The following MFSD11 variants were observed in gnomAD, a reference collection of about 807,000 sequenced individuals.
MFSD11 encodes UNC93-like protein MFSD11.
A neutral mutation model predicts 53.5 loss-of-function variants in MFSD11; 36 were observed. The observed-to-expected ratio is 0.67, with a 90% CI of 0.52 to 0.89. The LOEUF is 0.89. Among genes scored for constraint, MFSD11 ranks in the 40% least tolerant of loss-of-function variants. The pLI is 0.00. For synonymous variants in MFSD11, 186 were observed against 184.9 expected (o/e 1.01, Z -0.05); for missense variants, 530 against 543.9 (o/e 0.97, Z 0.25).
At chr17:76,761,302 C>G (rs1008533384) in intron 8 of MFSD11, among the ~76,000 whole-genome samples, 8 of 152,094 alleles carry the variant, frequency 5.3e-5, no homozygotes, top group African/African-American at 1.9e-4. Flanking sequence ...TAACCTTTGC[C>G]CCAGTGGAAT....
At chr17:76,746,015 A>C (rs943759813) in intron 7 of MFSD11, among the ~76,000 whole-genome samples, 1 of 152,188 alleles carries the variant, frequency 6.6e-6, no homozygotes, top group African/African-American at 2.4e-5. Context: ...ACATGTAGAA[A>C]GCTGAGACAG....
At chr17:76,780,237 C>T (rs1311446253), downstream of MFSD11, among the ~76,000 whole-genome samples, 3 of 152,196 alleles carry the variant, frequency 2.0e-5, no homozygotes, top group Non-Finnish European at 4.4e-5. Context: ...CATTCTTTCT[C>T]ATCTGGCATG....
chr17:76,782,474 CTTTTTTTT>C (rs33999736), downstream of MFSD11, among the ~76,000 whole-genome samples: 2 of 76,172 alleles, frequency 2.6e-5, no homozygotes, highest in Non-Finnish European at 4.4e-5. Context: ...CGCGCCCAGG[CTTTTTTTT>C]TTTTTTTTTT....
Position 76,738,463 on chromosome 17 carries a change from G to A in MFSD11, c.96+15G>A, listed in dbSNP as rs1248006070. On this transcript the variant is annotated intron_variant, in intron 1 of 12. Coordinates refer to ENST00000685175, the MANE Select transcript of MFSD11 (RefSeq NM_001242532.5). ...GAAATGTGGCGGTGAGTTGGAATCTGTCCTCCCTCCTTTGAAGTGCCCATC... is the reference window on the plus strand; with the variant it reads ...GAAATGTGGCGGTGAGTTGGAATCTATCCTCCCTCCTTTGAAGTGCCCATC... 1.3e-6 allele frequency: 2 copies of A among 1,591,040 alleles called. No homozygotes were observed. Among genetic ancestry groups the A allele is most frequent in the South Asian group, 2.2e-5 (2 of 90,552 alleles).
intron 5 of MFSD11, among the ~76,000 whole-genome samples, chr17:76,742,899 G>A (rs1486986620): frequency 4.6e-5 from 7 of 152,076 alleles, no homozygotes; most frequent in Non-Finnish European, 2.9e-5. Context: ...CATGAATCGC[G>A]CCTAAAATTT....
At chr17:76,768,987 A>G (rs76932417) in intron 9 of MFSD11, among the ~76,000 whole-genome samples, 1 of 129,902 alleles carries the variant, frequency 7.7e-6, no homozygotes, top group Admixed American at 7.3e-5. Context: ...CTCTCTCTCA[A>G]AAAAAAAAAA....
the MFSD11 span, among the ~76,000 whole-genome samples, chr17:76,798,320 C>G: frequency 6.6e-6 from 1 of 152,146 alleles, no homozygotes; most frequent in Non-Finnish European, 1.5e-5. Context: ...AGGGATGCCA[C>G]CCTCCCAGCA....
upstream of MFSD11, chr17:76,737,189 GA>G: frequency 6.6e-7 from 1 of 1,518,674 alleles, no homozygotes; most frequent in Non-Finnish European, 8.9e-7. Context: ...GGAGCCCCGC[GA>G]ACTGGCGCCG....
At chr17:76,749,864 T>C (rs2078896811) in intron 7 of MFSD11, among the ~76,000 whole-genome samples, 1 of 138,592 alleles carries the variant, frequency 7.2e-6, no homozygotes, top group Non-Finnish European at 1.5e-5. Context: ...CACTCCAGCC[T>C]GGGCGATAGA....
At chr17:76,800,920 T>C in the MFSD11 span, among the ~76,000 whole-genome samples, 1 of 150,882 alleles carries the variant, frequency 6.6e-6, no homozygotes. Flanking sequence ...GTACCAAAAA[T>C]ATAAAAATCA....
At chr17:76,746,125 G>C in intron 7 of MFSD11, among the ~76,000 whole-genome samples, 1 of 152,218 alleles carries the variant, frequency 6.6e-6, no homozygotes, top group South Asian at 2.1e-4. Flanking sequence ...ACACACGAAT[G>C]ATAAGAAAGT....
At chr17:76,792,822 T>A in the MFSD11 span, among the ~76,000 whole-genome samples, 1 of 151,500 alleles carries the variant, frequency 6.6e-6, no homozygotes, top group Non-Finnish European at 1.5e-5. Flanking sequence ...TCTTTTCTAT[T>A]TTCCCTAAGC....
the MFSD11 span, among the ~76,000 whole-genome samples, chr17:76,801,568 T>C: frequency 6.6e-6 from 1 of 150,952 alleles, no homozygotes; most frequent in Non-Finnish European, 1.5e-5. Flanking sequence ...TACCTCAGGC[T>C]CCCGAGTAGC....
intron 7 of MFSD11, among the ~76,000 whole-genome samples, chr17:76,748,468 G>C (rs1051921243): frequency 6.6e-6 from 1 of 151,654 alleles, no homozygotes; most frequent in Non-Finnish European, 1.5e-5. Context: ...CAAGAAGATC[G>C]CTTGAGCCCT....
At chr17:76,744,291 T>C (rs200672556) in intron 6 of MFSD11, 31 bp from the exon 7 acceptor site, 1 of 1,593,390 alleles carries the variant, frequency 6.3e-7, no homozygotes, top group East Asian at 2.3e-5. Context: ...GTTTGGTCGA[T>C]ACTATCTTGT....
chr17:76,799,950 T>G, the MFSD11 span, among the ~76,000 whole-genome samples: 1 of 135,618 alleles, frequency 7.4e-6, no homozygotes, highest in Admixed American at 7.5e-5. Context: ...TTCTTTTTCT[T>G]TTTCCTTTTT....
chr17:76,791,331 T>C, the MFSD11 span, among the ~76,000 whole-genome samples: 1 of 149,630 alleles, frequency 6.7e-6, no homozygotes, highest in Admixed American at 6.6e-5. Context: ...CTCTTTCTTT[T>C]ACTTCCTGAA....
At chr17:76,769,613 G>T in intron 9 of MFSD11, 133 bp from the exon 10 acceptor site, 2 of 624,138 alleles carry the variant, frequency 3.2e-6, no homozygotes, top group Non-Finnish European at 5.4e-6. Context: ...TCTGCTTGGG[G>T]ATTAATATTT....
the MFSD11 span, among the ~76,000 whole-genome samples, chr17:76,789,483 C>T: frequency 6.7e-6 from 1 of 150,114 alleles, no homozygotes; most frequent in Non-Finnish European, 1.5e-5. Context: ...CATTTTGCCT[C>T]TTAGTGCACA....
Sources: gnomAD v4.1 joint callset for allele counts (sites outside exome capture counted in the v4.1 genomes callset) on GRCh38, gnomAD v4.1.1 for gene constraint, MANE v1.5 for transcripts, NCBI Gene and HGNC (gene_info 2026-07-23, HGNC 2026-07-21) for gene names.